KAZN: variants seen among roughly 807,000 people sequenced by gnomAD.
KAZN encodes the protein kazrin, periplakin interacting protein.
Under a neutral mutation model 87.4 loss-of-function variants are expected in KAZN, and 40 were observed. The observed-to-expected ratio is 0.46, with a 90% confidence interval of 0.36 to 0.60. The LOEUF is 0.60. Ranked by LOEUF, KAZN falls within the 20% of genes least tolerant of loss-of-function variation. The probability of loss-of-function intolerance (pLI) is 0.00; values close to 1 mark genes in which losing one functional copy is unlikely to be tolerated. For missense variants in KAZN, 898 were observed against 1,073.9 expected (o/e 0.84, Z 2.29); for synonymous variants, 466 against 458.3 (o/e 1.02, Z -0.22).
intron 2 of KAZN, among the ~76,000 whole-genome samples, chr1:14,361,927 G>T (rs892460568): frequency 3.9e-5 from 6 of 152,168 alleles, no homozygotes; most frequent in African/African-American, 1.4e-4. Context: ...CTTTTTTGAG[G>T]AAGAGACTAT....
At chr1:14,863,172 G>A (rs574971854) in intron 1 of KAZN, among the ~76,000 whole-genome samples, 1 of 152,328 alleles carries the variant, frequency 6.6e-6, no homozygotes, top group East Asian at 1.9e-4. Context: ...AACACCTGGA[G>A]GGCTGTGTGC....
At chr1:14,155,747 A>T (rs6429828) in intron 1 of KAZN, among the ~76,000 whole-genome samples, 26,846 of 151,886 alleles carry the variant, frequency 0.18, 2,987 homozygotes, top group East Asian at 0.33. Flanking sequence ...CCTCCCAGAT[A>T]CAAGTGATTC....
intron 1 of KAZN, among the ~76,000 whole-genome samples, chr1:14,668,356 A>T (rs1639706940): frequency 1.3e-5 from 2 of 152,128 alleles, no homozygotes; most frequent in Non-Finnish European, 2.9e-5. Flanking sequence ...CCTTTGTCCC[A>T]GCTTTCCAGT....
chr1:14,817,945 C>G (rs1026015388), intron 1 of KAZN, among the ~76,000 whole-genome samples: 1 of 152,206 alleles, frequency 6.6e-6, no homozygotes, highest in South Asian at 2.1e-4. Flanking sequence ...GATTCATGCT[C>G]AGAGCTGGAA....
At chr1:14,784,088 G>T (rs973090198) in intron 1 of KAZN, among the ~76,000 whole-genome samples, 1 of 152,122 alleles carries the variant, frequency 6.6e-6, no homozygotes, top group African/African-American at 2.4e-5. Context: ...GGTGAGGCAG[G>T]TCTGGAACGC....
At chr1:14,471,884 A>G (rs1473434302) in intron 2 of KAZN, among the ~76,000 whole-genome samples, 4 of 152,248 alleles carry the variant, frequency 2.6e-5, no homozygotes, top group Admixed American at 6.5e-5. Context: ...ACCATGTTAC[A>G]GAGTCTCAGA....
intron 2 of KAZN, among the ~76,000 whole-genome samples, chr1:14,276,299 T>C (rs1429655106): frequency 6.6e-6 from 1 of 152,130 alleles, no homozygotes; most frequent in Non-Finnish European, 1.5e-5. Flanking sequence ...CATCAGTAAC[T>C]GCATTTTATG....
At chr1:14,473,873 T>C (rs2486772) in intron 2 of KAZN, among the ~76,000 whole-genome samples, 96,216 of 151,952 alleles carry the variant, frequency 0.63, 30,897 homozygotes, top group East Asian at 0.87. Context: ...AGGCTGACTC[T>C]TCCTCTTTAT....
intron 1 of KAZN, among the ~76,000 whole-genome samples, chr1:14,046,930 G>A (rs1204888815): frequency 6.6e-6 from 1 of 152,196 alleles, no homozygotes; most frequent in African/African-American, 2.4e-5. Context: ...AGGCAATCCT[G>A]TAATCTTATG....
chr1:15,095,415 C>G (rs1640764086), intron 10 of KAZN, among the ~76,000 whole-genome samples: 1 of 152,166 alleles, frequency 6.6e-6, no homozygotes, highest in Non-Finnish European at 1.5e-5. Context: ...GTGGAGGGGG[C>G]TTCTCTTAGC....
chr1:14,410,113 ATTTAT>A (rs1457184492), intron 2 of KAZN, among the ~76,000 whole-genome samples: 1 of 152,168 alleles, frequency 6.6e-6, no homozygotes, highest in Non-Finnish European at 1.5e-5. Flanking sequence ...CAATTTATTT[ATTTAT>A]TTTGAGAGAG....
intron 2 of KAZN, among the ~76,000 whole-genome samples, chr1:14,994,973 A>G (rs115039492): frequency 1.2e-4 from 18 of 152,358 alleles, no homozygotes; most frequent in African/African-American, 4.1e-4. Context: ...CACCAAGGCC[A>G]CCACTGATGT....
chr1:14,515,857 T>C (rs540928997), intron 2 of KAZN, among the ~76,000 whole-genome samples: 3 of 152,200 alleles, frequency 2.0e-5, no homozygotes, highest in East Asian at 1.9e-4. Context: ...TGTTCATGCA[T>C]TGGGTCCCTT....
intron 2 of KAZN, among the ~76,000 whole-genome samples, chr1:14,352,810 G>C (rs934125057): frequency 2.0e-5 from 3 of 152,128 alleles, no homozygotes; most frequent in Middle Eastern, 3.4e-3. Context: ...ATATTAAAAA[G>C]GATAATACAT....
intron 1 of KAZN, among the ~76,000 whole-genome samples, chr1:14,130,486 C>T (rs1466732401): frequency 1.3e-5 from 2 of 152,126 alleles, no homozygotes; most frequent in South Asian, 4.2e-4. Flanking sequence ...TTAATGCATG[C>T]TGTTTCTGAA....
At chr1:14,863,645 T>C (rs1475631497) in intron 1 of KAZN, among the ~76,000 whole-genome samples, 1 of 152,182 alleles carries the variant, frequency 6.6e-6, no homozygotes, top group African/African-American at 2.4e-5. Flanking sequence ...GTGTAAAGAA[T>C]CAAAATACCA....
At chr1:14,598,610 C>G (rs1676671968), upstream of KAZN, 1 of 1,067,188 alleles carries the variant, frequency 9.4e-7, no homozygotes. This position sits in a 1 kb window ranked among gnomAD's most constrained non-coding sequence, Gnocchi z 4.2. Flanking sequence ...CCCCCAGCCT[C>G]CGACCGAGAC....
intron 2 of KAZN, among the ~76,000 whole-genome samples, chr1:14,577,856 T>C (rs4661506): frequency 0.31 from 47,390 of 152,036 alleles, 9,042 homozygotes; most frequent in East Asian, 0.43. Flanking sequence ...ATTTCACAGA[T>C]GAGAAAATGG....
chr1:14,309,123 C>T (rs1655117642), intron 2 of KAZN, among the ~76,000 whole-genome samples: 1 of 152,074 alleles, frequency 6.6e-6, no homozygotes, highest in Non-Finnish European at 1.5e-5. Context: ...TGGCAGCTGC[C>T]TGAAAGTTTC....
Sources: allele counts gnomAD v4.1 joint callset (sites outside exome capture counted in the v4.1 genomes callset), GRCh38; gene constraint gnomAD v4.1.1; non-coding constraint Gnocchi (gnomAD v3.1); transcripts MANE v1.5; gene names NCBI Gene and HGNC (gene_info 2026-07-23, HGNC 2026-07-21).